The following SYN2 variants were observed in gnomAD, a reference collection of about 807,000 sequenced individuals.
The protein encoded by SYN2 is synapsin II.
SYN2 carries 19 observed loss-of-function variants against 50.9 expected under a neutral mutation model. That is an observed-to-expected ratio of 0.37 (90% confidence interval 0.26 to 0.55). The LOEUF is 0.55. SYN2 is among the 20% of genes least tolerant of loss of function. The pLI is 0.81. For synonymous variants in SYN2, 255 were observed against 224.9 expected (o/e 1.13, Z -1.20); for missense variants, 587 against 576.4 (o/e 1.02, Z -0.19).
chr3:12,104,183 A>T (rs1008877531), intron 1 of SYN2, among the ~76,000 whole-genome samples: 1 of 152,196 alleles, frequency 6.6e-6, no homozygotes, highest in African/African-American at 2.4e-5. Context: ...CCCAAGCTGG[A>T]GTACAGTGGC....
At chr3:12,033,485 C>T (rs1007701098) in intron 1 of SYN2, among the ~76,000 whole-genome samples, 2 of 138,344 alleles carry the variant, frequency 1.4e-5, no homozygotes, top group African/African-American at 5.3e-5. Context: ...GAGACTAATA[C>T]AATATGTAGC....
chr3:12,158,960 A>ACCTC, intron 5 of SYN2: 2 of 1,372,156 alleles, frequency 1.5e-6, no homozygotes, highest in South Asian at 1.6e-5. Flanking sequence ...CCTAAGGGCC[A>ACCTC]ATCCCGCCCC....
intron 4 of SYN2, among the ~76,000 whole-genome samples, chr3:12,147,765 C>G (rs1697186178): frequency 6.6e-6 from 1 of 152,144 alleles, no homozygotes. Flanking sequence ...ATAGTAGCAC[C>G]TGCCACCACT....
intron 10 of SYN2, among the ~76,000 whole-genome samples, chr3:12,171,604 A>G (rs1397716210): frequency 6.6e-6 from 1 of 152,236 alleles, no homozygotes; most frequent in African/African-American, 2.4e-5. Context: ...ATGGCCTTCT[A>G]CAAGGAAAGT....
chr3:12,133,095 T>C (rs1245574687), intron 1 of SYN2, among the ~76,000 whole-genome samples: 1 of 152,220 alleles, frequency 6.6e-6, no homozygotes, highest in East Asian at 1.9e-4. Flanking sequence ...CCTTGGCAAT[T>C]TCCCCATGCA....
At chr3:12,080,049 G>A (rs1159026617) in intron 1 of SYN2, among the ~76,000 whole-genome samples, 1 of 152,066 alleles carries the variant, frequency 6.6e-6, no homozygotes, top group African/African-American at 2.4e-5. Flanking sequence ...ATGTGTCCAG[G>A]AATTTATCAA....
At chr3:12,136,710 C>A (rs1409480058) in intron 1 of SYN2, among the ~76,000 whole-genome samples, 1 of 152,102 alleles carries the variant, frequency 6.6e-6, no homozygotes, top group Non-Finnish European at 1.5e-5. Flanking sequence ...AGCTTCTGCT[C>A]ATTTTAGCAA....
intron 10 of SYN2, among the ~76,000 whole-genome samples, chr3:12,177,553 A>G (rs1022051382): frequency 6.6e-6 from 1 of 152,182 alleles, no homozygotes; most frequent in African/African-American, 2.4e-5. Flanking sequence ...TGGGACTAAC[A>G]GGGCTTCACT....
chr3:12,009,162 A>G (rs1693864718), intron 1 of SYN2, among the ~76,000 whole-genome samples: 1 of 152,228 alleles, frequency 6.6e-6, no homozygotes, highest in African/African-American at 2.4e-5. Context: ...TGTTCATAGC[A>G]GCAGTTGCCT....
intron 5 of SYN2, chr3:12,158,707 G>A: frequency 1.2e-6 from 2 of 1,610,326 alleles, no homozygotes; most frequent in Non-Finnish European, 1.7e-6. Flanking sequence ...CTCACCAAGT[G>A]CCGAGTGGCA....
At position 12,033,915 on chromosome 3, in the gene SYN2, G is replaced by C. The variant is rs531831894; in HGVS notation, c.377+28987G>C. Among the ~76,000 whole-genome samples the C allele has an allele frequency of 2.0e-5, 3 of 152,002 alleles. No individual in the cohort carries two copies. In the East Asian group the frequency reaches 5.8e-4, roughly 29 times the overall value. On this transcript the variant is annotated intron_variant, in intron 1 of 12. Transcript: ENST00000621198. The stretch of plus-strand genomic sequence containing the variant: ...TTTATAGATATACTGCATTTTACTT[G>C]TCTATTTACTTATCAGTTGATGGAC...
chr3:12,175,939 A>G (rs940899031), intron 10 of SYN2, among the ~76,000 whole-genome samples: 2 of 152,208 alleles, frequency 1.3e-5, no homozygotes, highest in African/African-American at 4.8e-5. Flanking sequence ...GCCTGGACAG[A>G]CTGCCAGCTT....
At chr3:12,182,880 C>T (rs1698255210) in intron 10 of SYN2, among the ~76,000 whole-genome samples, 1 of 152,248 alleles carries the variant, frequency 6.6e-6, no homozygotes, top group Admixed American at 6.5e-5. Flanking sequence ...ACCTATAGTC[C>T]AACCCTGTCT....
intron 5 of SYN2, chr3:12,158,557 C>G (rs1000751587): frequency 3.2e-6 from 4 of 1,245,120 alleles, no homozygotes; most frequent in Non-Finnish European, 4.4e-6. Context: ...GCGCCTGGTC[C>G]TTCTCCACCC....
chr3:12,060,339 C>G (rs1483302696), intron 1 of SYN2, among the ~76,000 whole-genome samples: 1 of 152,138 alleles, frequency 6.6e-6, no homozygotes. Context: ...CACCCGGAGC[C>G]TTCTCCATAA....
At chr3:12,161,493 C>T (rs1456869545) in intron 5 of SYN2, 53 bp from the exon 6 acceptor site, 1 of 1,599,870 alleles carries the variant, frequency 6.3e-7, no homozygotes, top group African/African-American at 1.3e-5. Context: ...TGTAGGATTC[C>T]ACGGAGAGAT....
chr3:12,020,808 A>G (rs1265195053), intron 1 of SYN2, among the ~76,000 whole-genome samples: 1 of 152,252 alleles, frequency 6.6e-6, no homozygotes. Context: ...CGAGCACAAG[A>G]AACATTGCCC....
Position 12,059,606 on chromosome 3 carries a change from A to G in SYN2, c.377+54678A>G, listed in dbSNP as rs140486709. On this transcript the variant is annotated intron_variant, in intron 1 of 12. Coordinates refer to ENST00000621198, the MANE Select transcript of SYN2 (RefSeq NM_133625.6). ...TGGGTTTCTGAAAAACAACTCAGGGACATACGTTAAGATGTTATCTTTAGC... is the reference window on the plus strand; with the variant it reads ...TGGGTTTCTGAAAAACAACTCAGGGGCATACGTTAAGATGTTATCTTTAGC... Among the ~76,000 whole-genome samples the G allele has an allele frequency of 1.4e-4, 21 of 152,138 alleles. 1 individual carries two copies. The East Asian group carries it at 3.9e-3, about 28-fold the overall frequency.
rs879451767 is a variant in SYN2, at chr3:12,028,705, C to A, written c.377+23777C>A. Among the ~76,000 whole-genome samples, 978 of 147,106 alleles carry A rather than the reference C, an allele frequency of 6.6e-3. 9 individuals carry two copies. The highest frequency in any genetic ancestry group is 0.024 in the African/African-American group (927 of 38,778). On this transcript the variant is annotated intron_variant, in intron 1 of 12. Coordinates refer to ENST00000621198, the MANE Select transcript of SYN2 (RefSeq NM_133625.6). ...AGAAGTGTCTGTTCATGTCCTTCGCCCACTTTTTGATGGGGTTGTTTGTTT... is the reference window on the plus strand; with the variant it reads ...AGAAGTGTCTGTTCATGTCCTTCGCACACTTTTTGATGGGGTTGTTTGTTT...
Sources: allele counts gnomAD v4.1 joint callset (sites outside exome capture counted in the v4.1 genomes callset), GRCh38; gene constraint gnomAD v4.1.1; transcripts MANE v1.5; gene names NCBI Gene and HGNC (gene_info 2026-07-23, HGNC 2026-07-21).